The following PRKCE variants were observed in gnomAD, a reference collection of about 807,000 sequenced individuals.
The protein encoded by PRKCE is protein kinase C epsilon.
Under a neutral mutation model 85.4 loss-of-function variants are expected in PRKCE, and 16 were observed. That is an observed-to-expected ratio of 0.19 (90% CI 0.13 to 0.28). The LOEUF (loss-of-function observed/expected upper bound fraction) is 0.28, where lower values mean the gene tolerates loss of function less well. Among genes scored for constraint, PRKCE ranks in the 10% least tolerant of loss-of-function variants. PRKCE has a pLI of 1.00. For synonymous variants in PRKCE, 388 were observed against 371.5 expected (o/e 1.04, Z -0.51); for missense variants, 573 against 975.2 (o/e 0.59, Z 5.49).
At chr2:46,092,743 G>A (rs1241915046) in intron 11 of PRKCE, among the ~76,000 whole-genome samples, 1 of 152,128 alleles carries the variant, frequency 6.6e-6, no homozygotes, top group African/African-American at 2.4e-5. Flanking sequence ...GCCTCCGTAT[G>A]GAAAATGCAT....
At chr2:45,812,549 C>T (rs1011554524) in intron 1 of PRKCE, among the ~76,000 whole-genome samples, 6 of 152,184 alleles carry the variant, frequency 3.9e-5, no homozygotes, top group African/African-American at 1.4e-4. Context: ...GTCTCAGTGA[C>T]CTCCTCTGTG....
intron 10 of PRKCE, among the ~76,000 whole-genome samples, chr2:46,051,179 G>T (rs1323696945): frequency 1.3e-5 from 2 of 152,152 alleles, no homozygotes; most frequent in Non-Finnish European, 2.9e-5. Flanking sequence ...CTTTCCCACT[G>T]CAAGTCTCAA....
intron 1 of PRKCE, among the ~76,000 whole-genome samples, chr2:45,690,680 A>G (rs1209384602): frequency 1.3e-5 from 2 of 152,232 alleles, no homozygotes; most frequent in Admixed American, 1.3e-4. Flanking sequence ...GGCTGTGTAT[A>G]TCGTGTGGGA....
At chr2:46,037,496 T>C (rs1707940849) in intron 10 of PRKCE, among the ~76,000 whole-genome samples, 1 of 152,230 alleles carries the variant, frequency 6.6e-6, no homozygotes, top group Non-Finnish European at 1.5e-5. Flanking sequence ...TAAACTACTC[T>C]GGAGGAGTTC....
chr2:45,872,583 C>T (rs1694177898), intron 2 of PRKCE, among the ~76,000 whole-genome samples: 1 of 152,190 alleles, frequency 6.6e-6, no homozygotes, highest in African/African-American at 2.4e-5. Context: ...ATGACAGTGG[C>T]CTGAATCAGC....
At chr2:45,720,609 G>A (rs1558594690) in intron 1 of PRKCE, among the ~76,000 whole-genome samples, 1 of 152,154 alleles carries the variant, frequency 6.6e-6, no homozygotes, top group African/African-American at 2.4e-5. Flanking sequence ...GTTCCCCTGG[G>A]AGGGCAGTAC....
chr2:45,807,778 A>G (rs773411140), intron 1 of PRKCE, among the ~76,000 whole-genome samples: 9 of 151,934 alleles, frequency 5.9e-5, no homozygotes, highest in Non-Finnish European at 1.3e-4. Flanking sequence ...GGAGCTGCCA[A>G]TGGAGCCCAG....
chr2:45,910,215 AC>A, intron 2 of PRKCE, among the ~76,000 whole-genome samples: 2 of 152,374 alleles, frequency 1.3e-5, no homozygotes, highest in East Asian at 3.9e-4. Context: ...ATCCCATGTA[AC>A]TGGAGCCTCA....
intron 1 of PRKCE, among the ~76,000 whole-genome samples, chr2:45,836,007 A>G (rs935534310): frequency 2.6e-5 from 4 of 152,198 alleles, no homozygotes; most frequent in African/African-American, 9.7e-5. Flanking sequence ...GGCTGTTAGG[A>G]ATGAAGCTGC....
intron 10 of PRKCE, among the ~76,000 whole-genome samples, chr2:46,017,809 C>G (rs940904862): frequency 1.3e-5 from 2 of 152,162 alleles, no homozygotes; most frequent in Non-Finnish European, 2.9e-5. Flanking sequence ...TTTGTGGTCA[C>G]TCATTTTTAC....
intron 1 of PRKCE, among the ~76,000 whole-genome samples, chr2:45,833,201 A>T (rs11676993): frequency 0.14 from 21,044 of 151,816 alleles, 1,769 homozygotes; most frequent in South Asian, 0.2. Flanking sequence ...GTGAGCAGCC[A>T]TTGATAAAAG....
chr2:45,823,719 T>C (rs927865870), intron 1 of PRKCE, among the ~76,000 whole-genome samples: 8 of 152,222 alleles, frequency 5.3e-5, no homozygotes, highest in African/African-American at 1.9e-4. Context: ...GCTTCCAGTG[T>C]TCCATACCTG....
chr2:45,960,809 A>G (rs1157717205), intron 2 of PRKCE, among the ~76,000 whole-genome samples: 1 of 152,110 alleles, frequency 6.6e-6, no homozygotes, highest in Non-Finnish European at 1.5e-5. Context: ...AATTCCCCAA[A>G]TTTAGCTCCT....
At chr2:45,830,886 A>T (rs1191220103) in intron 1 of PRKCE, among the ~76,000 whole-genome samples, 1 of 152,244 alleles carries the variant, frequency 6.6e-6, no homozygotes, top group Non-Finnish European at 1.5e-5. Flanking sequence ...AAGATTTCTG[A>T]TTACTATTTC....
chr2:46,150,311 G>C (rs1015643743), intron 12 of PRKCE, among the ~76,000 whole-genome samples: 1 of 152,180 alleles, frequency 6.6e-6, no homozygotes, highest in Non-Finnish European at 1.5e-5. Flanking sequence ...GAGATGGTTC[G>C]ATTCTGGCTA....
chr2:45,952,759 C>A (rs1166208257), intron 2 of PRKCE, among the ~76,000 whole-genome samples: 2 of 152,272 alleles, frequency 1.3e-5, no homozygotes, highest in South Asian at 4.2e-4. Flanking sequence ...ATGCAGCTTT[C>A]CAGGAACACA....
intron 2 of PRKCE, among the ~76,000 whole-genome samples, chr2:45,871,853 A>G (rs962944015): frequency 1.2e-4 from 19 of 152,008 alleles, no homozygotes; most frequent in African/African-American, 4.6e-4. Context: ...CACACTGCGG[A>G]GTTTGATGTC....
chr2:45,949,433 T>TC (rs1700470337), intron 2 of PRKCE, among the ~76,000 whole-genome samples: 2 of 150,362 alleles, frequency 1.3e-5, no homozygotes, highest in Admixed American at 1.3e-4. Context: ...GTTGTTTTTT[T>TC]TTTTTCCTTG....
At chr2:45,791,267 A>T (rs1339825256) in intron 1 of PRKCE, among the ~76,000 whole-genome samples, 2 of 152,186 alleles carry the variant, frequency 1.3e-5, no homozygotes, top group Non-Finnish European at 2.9e-5. Context: ...CTGCTGTCCA[A>T]AGATTGAAAC....
Sources: allele counts gnomAD v4.1 joint callset (sites outside exome capture counted in the v4.1 genomes callset), GRCh38; gene constraint gnomAD v4.1.1; transcripts MANE v1.5; gene names NCBI Gene and HGNC (gene_info 2026-07-23, HGNC 2026-07-21).